The following XKRX variants were observed in gnomAD, a reference collection of about 807,000 sequenced individuals.
The protein encoded by XKRX is XK related X-linked, also known as XK-related protein 2.
Under a neutral mutation model 22.4 loss-of-function variants are expected in XKRX, and 11 were observed. The ratio of observed to expected loss-of-function variants is 0.49; its 90% confidence interval spans 0.31 to 0.81. XKRX has a LOEUF of 0.81. Ranked by LOEUF, XKRX falls within the 40% of genes least tolerant of loss-of-function variation. The pLI is 0.05. For synonymous variants in XKRX, 114 were observed against 132.2 expected (o/e 0.86, Z 0.94); for missense variants, 320 against 336.5 (o/e 0.95, Z 0.38).
the XKRX span, among the ~76,000 whole-genome samples, chrX:100,908,106 A>AGTGTGTGTGTGTGTGTGTGTGTGTGT: frequency 2.6e-4 from 23 of 86,990 alleles, no homozygotes; most frequent in East Asian, 7.6e-4. Context: ...TCATGCATGG[A>AGTGTGTGTGTGTGTGTGTGTGTGTGT]GTGTGTGTGT....
chrX:100,911,736 A>G (rs2085407735), downstream of XKRX, among the ~76,000 whole-genome samples: 1 of 112,242 alleles, frequency 8.9e-6, no homozygotes, highest in Non-Finnish European at 1.9e-5. Flanking sequence ...TCACAATTCC[A>G]TCTTCTCCTG....
the XKRX span, among the ~76,000 whole-genome samples, chrX:100,938,111 G>A: frequency 8.9e-6 from 1 of 112,052 alleles, no homozygotes; most frequent in Non-Finnish European, 1.9e-5. Context: ...GTTATTATTA[G>A]AGTAGTTATT....
chrX:100,913,037 A>C (rs182179431), downstream of XKRX, among the ~76,000 whole-genome samples: 4 of 109,273 alleles, frequency 3.7e-5, no homozygotes, highest in Admixed American at 3.0e-4. Context: ...ATCTCTACTA[A>C]AAATACAAAA....
chrX:100,924,578 G>A (rs2085490661), intron 1 of XKRX, among the ~76,000 whole-genome samples: 3 of 111,457 alleles, frequency 2.7e-5, no homozygotes, highest in South Asian at 7.6e-4. Context: ...TTACCACTTC[G>A]CCACTCACCT....
At chrX:100,891,277 T>C in the XKRX span, among the ~76,000 whole-genome samples, 12 of 111,237 alleles carry the variant, frequency 1.1e-4, no homozygotes, top group Non-Finnish European at 1.9e-4. Flanking sequence ...AAGTGATCTA[T>C]AGAGCCAATA....
At chrX:100,957,376 G>A in the XKRX span, 24 of 1,204,233 alleles carry the variant, frequency 2.0e-5, no homozygotes, top group African/African-American at 1.6e-4. Flanking sequence ...CCTGAAAAAC[G>A]CTGTGCTGAT....
At chrX:100,889,110 C>T in the XKRX span, among the ~76,000 whole-genome samples, 6 of 107,589 alleles carry the variant, frequency 5.6e-5, no homozygotes. Flanking sequence ...CATGGTGGTG[C>T]GTGCCTGTAG....
intron 2 of XKRX, among the ~76,000 whole-genome samples, chrX:100,919,366 T>C (rs899414153): frequency 8.9e-6 from 1 of 111,951 alleles, no homozygotes; most frequent in Non-Finnish European, 1.9e-5. Context: ...AAAAATGTAA[T>C]ACTTCAGAAT....
chrX:100,920,030 C>CA (rs1240629030), intron 2 of XKRX, among the ~76,000 whole-genome samples: 1 of 111,067 alleles, frequency 9.0e-6, no homozygotes, highest in Non-Finnish European at 1.9e-5. Flanking sequence ...CCTGCTGCCC[C>CA]TCTTTCTTCC....
the XKRX span, chrX:100,957,642 A>G: frequency 4.4e-6 from 2 of 459,104 alleles, no homozygotes; most frequent in South Asian, 4.7e-5. Context: ...AGACATGTTT[A>G]TTTTTCCTTT....
the XKRX span, among the ~76,000 whole-genome samples, chrX:100,888,844 G>A: frequency 1.1e-4 from 12 of 110,398 alleles, no homozygotes; most frequent in Admixed American, 1.2e-3. Flanking sequence ...TGTGCTAGAG[G>A]AACAGCAAGA....
chrX:100,912,151 T>C (rs1277353562), downstream of XKRX, among the ~76,000 whole-genome samples: 1 of 111,962 alleles, frequency 8.9e-6, no homozygotes, highest in Non-Finnish European at 1.9e-5. Flanking sequence ...CAGTGACTAT[T>C]GGGGAGAAAT....
chrX:100,928,381 C>T lies in XKRX; in HGVS notation c.-77G>A, dbSNP rs1052064313. 25 of 1,161,933 alleles carry T rather than the reference C, an allele frequency of 2.2e-5. No homozygotes were observed. The highest frequency in any genetic ancestry group is 2.7e-5 in the Non-Finnish European group (24 of 874,102). ...CCCATCCCCAAGAGAACCCTATGGC[C>T]GCTACAGTCCAAGTATAGGTGAGGA... On this transcript the variant is annotated 5_prime_UTR_variant, in exon 1 of 3. Transcript: ENST00000372956.
the XKRX span, among the ~76,000 whole-genome samples, chrX:100,949,611 G>T: frequency 8.0e-4 from 89 of 110,564 alleles, no homozygotes; most frequent in East Asian, 0.024. Context: ...CAGGTGATCT[G>T]CCCACCTCGG....
At chrX:100,915,264 C>A (rs1473907553) in intron 2 of XKRX, among the ~76,000 whole-genome samples, 181 bp from the exon 3 acceptor site, 2 of 111,197 alleles carry the variant, frequency 1.8e-5, no homozygotes, top group Non-Finnish European at 3.8e-5. Flanking sequence ...TAGACTTTCT[C>A]CGAAGGCGGT....
At chrX:100,920,782 G>A (rs997020619) in intron 2 of XKRX, among the ~76,000 whole-genome samples, 3 of 111,359 alleles carry the variant, frequency 2.7e-5, no homozygotes, top group Non-Finnish European at 5.6e-5. Context: ...TTTATGAGAC[G>A]GGAGTCTCCC....
chrX:100,887,553 G>C, the XKRX span: 2 of 492,375 alleles, frequency 4.1e-6, no homozygotes, highest in African/African-American at 4.7e-5. Context: ...ACTGTGCTTG[G>C]CTGAGTTCAC....
At chrX:100,939,930 T>C in the XKRX span, among the ~76,000 whole-genome samples, 1 of 112,250 alleles carries the variant, frequency 8.9e-6, no homozygotes, top group South Asian at 3.7e-4. Context: ...TTATGAAGGA[T>C]AATCATATAT....
the XKRX span, among the ~76,000 whole-genome samples, chrX:100,893,197 G>A: frequency 9.0e-6 from 1 of 111,719 alleles, no homozygotes; most frequent in Non-Finnish European, 1.9e-5. Flanking sequence ...GAAAGATGTT[G>A]GTCAACATGT....
Sources: allele counts gnomAD v4.1 joint callset (sites outside exome capture counted in the v4.1 genomes callset), GRCh38; gene constraint gnomAD v4.1.1; transcripts MANE v1.5; gene names NCBI Gene and HGNC (gene_info 2026-07-23, HGNC 2026-07-21).